Variants in TENM2 observed in about 807,000 individuals in gnomAD.
TENM2 encodes the protein teneurin-2.
In TENM2, 52 loss-of-function variants were observed where a neutral mutation model predicts 245.2. That is an observed-to-expected ratio of 0.21 (90% CI 0.17 to 0.27). The LOEUF (loss-of-function observed/expected upper bound fraction) is 0.27, where lower values mean the gene tolerates loss of function less well. Ranked by LOEUF, TENM2 falls within the 10% of genes least tolerant of loss-of-function variation. TENM2 has a pLI of 1.00. For missense variants in TENM2, 3,046 were observed against 3,666.8 expected (o/e 0.83, Z 4.37); for synonymous variants, 1,363 against 1,438.9 (o/e 0.95, Z 1.19).
intron 2 of TENM2, among the ~76,000 whole-genome samples, chr5:167,763,485 T>C (rs1368027541): frequency 6.6e-6 from 1 of 152,084 alleles, no homozygotes; most frequent in African/African-American, 2.4e-5. Context: ...CGAATGAAGA[T>C]TGTATTATTA....
At chr5:167,844,247 C>A (rs989339770) in intron 2 of TENM2, among the ~76,000 whole-genome samples, 6 of 152,124 alleles carry the variant, frequency 3.9e-5, no homozygotes, top group African/African-American at 1.4e-4. Flanking sequence ...TAAACAAGGT[C>A]GGCTTCGACC....
At chr5:167,997,998 T>C (rs1435945184) in intron 5 of TENM2, among the ~76,000 whole-genome samples, 1 of 152,238 alleles carries the variant, frequency 6.6e-6, no homozygotes, top group Non-Finnish European at 1.5e-5. Context: ...CATCTGACTT[T>C]CTGGCCCAAA....
intron 2 of TENM2, among the ~76,000 whole-genome samples, chr5:167,601,239 C>T (rs762949041): frequency 1.3e-5 from 2 of 152,224 alleles, no homozygotes; most frequent in Non-Finnish European, 1.5e-5. Context: ...AACGTCCTGT[C>T]GCACAGTGAC....
intron 2 of TENM2, among the ~76,000 whole-genome samples, chr5:167,803,376 G>A (rs1255817706): frequency 6.6e-6 from 1 of 152,154 alleles, no homozygotes; most frequent in East Asian, 1.9e-4. Flanking sequence ...AGATTTCAGA[G>A]AGGGTTAGGG....
intron 2 of TENM2, among the ~76,000 whole-genome samples, chr5:167,769,634 T>G (rs1039598576): frequency 1.3e-5 from 2 of 152,204 alleles, no homozygotes. Flanking sequence ...CGTATTCCAT[T>G]CAAAGGTAAA....
At chr5:167,132,005 T>A in the TENM2 span, among the ~76,000 whole-genome samples, 1 of 152,088 alleles carries the variant, frequency 6.6e-6, no homozygotes, top group Non-Finnish European at 1.5e-5. Context: ...GTATTTTTAG[T>A]GGAGACGGGG....
chr5:167,984,622 T>C (rs1214405213), intron 4 of TENM2, among the ~76,000 whole-genome samples: 1 of 152,040 alleles, frequency 6.6e-6, no homozygotes, highest in Non-Finnish European at 1.5e-5. Flanking sequence ...GCCACTGCAC[T>C]CCAGCCTGGA....
chr5:168,119,788 A>G (rs1361986151), intron 10 of TENM2, among the ~76,000 whole-genome samples: 2 of 152,154 alleles, frequency 1.3e-5, no homozygotes, highest in Non-Finnish European at 2.9e-5. Context: ...AACTTGCCCA[A>G]CAAACTAAGG....
intron 1 of TENM2, among the ~76,000 whole-genome samples, chr5:167,324,543 AGT>A (rs1756971502): frequency 1.3e-5 from 2 of 152,218 alleles, no homozygotes; most frequent in South Asian, 4.1e-4. Context: ...CAAATGTGAG[AGT>A]GTGTGTAATT....
chr5:167,607,376 G>A (rs1476085903), intron 2 of TENM2, among the ~76,000 whole-genome samples: 1 of 152,138 alleles, frequency 6.6e-6, no homozygotes. Flanking sequence ...TTATGTAAAA[G>A]CTCCTGATAC....
chr5:167,709,990 A>G (rs1448057369), intron 2 of TENM2, among the ~76,000 whole-genome samples: 1 of 152,156 alleles, frequency 6.6e-6, no homozygotes, highest in Non-Finnish European at 1.5e-5. Context: ...GAACTTCTGG[A>G]TAAGTTGAGG....
chr5:168,033,843 A>G (rs568984481), intron 5 of TENM2, among the ~76,000 whole-genome samples: 36 of 151,956 alleles, frequency 2.4e-4, no homozygotes, highest in Admixed American at 1.1e-3. Flanking sequence ...CCTGACCAAC[A>G]TGGTGAAACC....
At chr5:167,311,372 T>C (rs766502382) in intron 1 of TENM2, among the ~76,000 whole-genome samples, 8 of 152,230 alleles carry the variant, frequency 5.3e-5, no homozygotes, top group Non-Finnish European at 1.2e-4. Context: ...GGCATATTTA[T>C]TTCCCAGCCT....
intron 23 of TENM2, among the ~76,000 whole-genome samples, chr5:168,220,638 T>C (rs183464866): frequency 2.0e-5 from 3 of 152,336 alleles, no homozygotes; most frequent in Non-Finnish European, 4.4e-5. Flanking sequence ...GTTCTTTTTG[T>C]TTTATGGCAC....
chr5:167,311,508 ATTTC>A (rs1454399426), intron 1 of TENM2, among the ~76,000 whole-genome samples: 1 of 152,126 alleles, frequency 6.6e-6, no homozygotes, highest in African/African-American at 2.4e-5. Flanking sequence ...CTGGAATATG[ATTTC>A]TTTAACAATG....
intron 2 of TENM2, among the ~76,000 whole-genome samples, chr5:167,577,249 C>T (rs980374596): frequency 3.3e-5 from 5 of 151,898 alleles, no homozygotes; most frequent in Non-Finnish European, 7.4e-5. Context: ...ATGTTTTTTC[C>T]AATGAGAGGG....
intron 2 of TENM2, among the ~76,000 whole-genome samples, chr5:167,775,760 A>G (rs942978965): frequency 3.9e-5 from 6 of 152,146 alleles, no homozygotes; most frequent in African/African-American, 1.4e-4. Flanking sequence ...ACAAGTGAAT[A>G]CAATGCAGTG....
chr5:167,513,919 A>G (rs1369601007), intron 2 of TENM2, among the ~76,000 whole-genome samples: 4 of 152,086 alleles, frequency 2.6e-5, no homozygotes, highest in African/African-American at 9.7e-5. Context: ...TCAATGCTCT[A>G]ATCTCTGGGA....
intron 2 of TENM2, among the ~76,000 whole-genome samples, chr5:167,740,336 C>G (rs1216679213): frequency 6.6e-6 from 1 of 152,134 alleles, no homozygotes; most frequent in Non-Finnish European, 1.5e-5. Flanking sequence ...TGCATTTCAG[C>G]TTAAGGCAGC....
Sources: gnomAD v4.1 joint callset for allele counts (sites outside exome capture counted in the v4.1 genomes callset) on GRCh38, gnomAD v4.1.1 for gene constraint, MANE v1.5 for transcripts, NCBI Gene and HGNC (gene_info 2026-07-23, HGNC 2026-07-21) for gene names.